The following ATP8B4 variants were observed in gnomAD, a reference collection of about 807,000 sequenced individuals.
ATP8B4 encodes the protein ATPase phospholipid transporting 8B4 (putative).
Under a neutral mutation model 145.6 loss-of-function variants are expected in ATP8B4, and 133 were observed. The observed-to-expected ratio is 0.91, with a 90% confidence interval of 0.79 to 1.05. The LOEUF is 1.05. Ranked by LOEUF, ATP8B4 falls within the 50% of genes least tolerant of loss-of-function variation. ATP8B4 has a pLI of 0.00. For missense variants in ATP8B4, 1,458 were observed against 1,425.2 expected (o/e 1.02, Z -0.37); for synonymous variants, 507 against 492.9 (o/e 1.03, Z -0.38).
intron 1 of ATP8B4, among the ~76,000 whole-genome samples, chr15:50,148,851 TGTA>T (rs781182804): frequency 7.9e-5 from 12 of 152,206 alleles, no homozygotes; most frequent in Non-Finnish European, 1.6e-4. Flanking sequence ...ATAATTCTGT[TGTA>T]GTTAGATTAC....
At chr15:49,985,375 C>A (rs143591403) in intron 10 of ATP8B4, among the ~76,000 whole-genome samples, 2,478 of 152,262 alleles carry the variant, frequency 0.016, 79 homozygotes, top group African/African-American at 0.057. Flanking sequence ...GGATTACAGG[C>A]GTGAGCCACC....
At chr15:50,165,799 T>C (rs1396815744) in intron 1 of ATP8B4, among the ~76,000 whole-genome samples, 13 of 152,062 alleles carry the variant, frequency 8.5e-5, no homozygotes. Flanking sequence ...TAAAAAATGT[T>C]CATGTAAAAA....
At chr15:49,886,811 A>ATTTTTT (rs200775433) in intron 23 of ATP8B4, among the ~76,000 whole-genome samples, 1 of 144,614 alleles carries the variant, frequency 6.9e-6, no homozygotes, top group Non-Finnish European at 1.5e-5. Flanking sequence ...GCCACAAGCA[A>ATTTTTT]TTTTTTTTTT....
intron 5 of ATP8B4, among the ~76,000 whole-genome samples, chr15:50,041,247 C>G (rs959125023): frequency 6.6e-6 from 1 of 152,200 alleles, no homozygotes; most frequent in Non-Finnish European, 1.5e-5. Flanking sequence ...TGCCATTGCT[C>G]AAATGATTGT....
intron 16 of ATP8B4, among the ~76,000 whole-genome samples, chr15:49,930,641 G>A (rs887884602): frequency 3.9e-5 from 6 of 152,056 alleles, no homozygotes; most frequent in African/African-American, 1.2e-4. Flanking sequence ...ACTGTATAGT[G>A]AACAAGTGAA....
In ATP8B4 at chr15:49,862,325, A is replaced by G; in HGVS notation, c.3217T>C (p.Leu1073=). ...TQKCIWLVIL[L]TTVASVMPVV... ...GGCATAACTGAAGCCACTGTTGTTAAGAGAATTACAAGCCAGATGCACTTC... is the reference window on the plus strand; with the variant it reads ...GGCATAACTGAAGCCACTGTTGTTAGGAGAATTACAAGCCAGATGCACTTC... The change falls in exon 27 of 28, where the codon TTA becomes CTA. Residue 1073 remains leucine (L), a synonymous_variant. Transcript: ENST00000284509. 1 of 1,613,904 alleles carries G rather than the reference A, an allele frequency of 6.2e-7. No homozygotes were observed. The highest frequency in any genetic ancestry group is 8.5e-7 in the Non-Finnish European group (1 of 1,179,794).
At chr15:49,911,568 A>G (rs747407376) in intron 20 of ATP8B4, among the ~76,000 whole-genome samples, 2 of 152,160 alleles carry the variant, frequency 1.3e-5, no homozygotes, top group African/African-American at 4.8e-5. Flanking sequence ...AGGGAGAAGT[A>G]GACTCCAATA....
chr15:49,898,322 G>T, intron 21 of ATP8B4, 71 bp from the exon 22 acceptor site: 1 of 1,453,448 alleles, frequency 6.9e-7, no homozygotes, highest in East Asian at 2.4e-5. Context: ...CAAGACAAAT[G>T]TTTTGTTTGC....
At chr15:49,984,521 G>T (rs966184659) in intron 10 of ATP8B4, among the ~76,000 whole-genome samples, 2 of 152,276 alleles carry the variant, frequency 1.3e-5, no homozygotes, top group South Asian at 2.1e-4. Context: ...AATGGCTACT[G>T]GACCCTAAGG....
chr15:49,991,956 C>A (rs545700159), intron 9 of ATP8B4, among the ~76,000 whole-genome samples: 1 of 152,132 alleles, frequency 6.6e-6, no homozygotes, highest in African/African-American at 2.4e-5. Context: ...TTCCCTAACC[C>A]TCCAATGCTG....
intron 6 of ATP8B4, among the ~76,000 whole-genome samples, chr15:50,034,690 T>A (rs1233699356): frequency 2.0e-5 from 3 of 152,190 alleles, no homozygotes; most frequent in Non-Finnish European, 4.4e-5. Flanking sequence ...CCTCATTTAA[T>A]TGCTCTGGGC....
intron 14 of ATP8B4, among the ~76,000 whole-genome samples, chr15:49,942,013 G>T (rs887687069): frequency 6.6e-6 from 1 of 152,118 alleles, no homozygotes; most frequent in Admixed American, 6.6e-5. Context: ...TATATAGAGT[G>T]GTGTAACAGA....
In ATP8B4 at chr15:49,879,257, AACT is replaced by A. The variant is rs1362657597; in HGVS notation, c.2781+116_2781+118del. On this transcript the variant is annotated intron_variant, in intron 24 of 27. Coordinates refer to ENST00000284509, the MANE Select transcript of ATP8B4 (RefSeq NM_024837.4). Reference sequence around the variant, plus strand: ...AAGCATGTGTGATCCATGCAAAAGCAACTAAAACAACTGCATTCCTAGGGCTGC... The same window carrying A: ...AAGCATGTGTGATCCATGCAAAAGCAAAAACAACTGCATTCCTAGGGCTGC... The A allele has an allele frequency of 1.5e-5, 13 of 867,772 alleles. 1 individual carries two copies. The highest frequency in any genetic ancestry group is 1.1e-4 in the East Asian group (4 of 37,592). The allele number at this position is 867,772 out of a possible 1,614,324, so 53.8% of individuals were successfully genotyped here.
chr15:50,152,593 A>C (rs2044361696), intron 1 of ATP8B4, among the ~76,000 whole-genome samples: 1 of 152,200 alleles, frequency 6.6e-6, no homozygotes, highest in Non-Finnish European at 1.5e-5. Context: ...ATTAATTCTA[A>C]ATCAAAAAGA....
Position 49,923,448 on chromosome 15 carries a change from A to G in ATP8B4, c.1689T>C (p.Asp563=), listed in dbSNP as rs149949431. 3.9e-4 allele frequency: 628 copies of G among 1,613,112 alleles called. 6 individuals are homozygous for G. The African/African-American group carries it at 7.5e-3, about 19-fold the overall frequency. Residue 563 remains aspartate (D), a synonymous_variant, in exon 17 of 28, where the codon GAT becomes GAC. Transcript: ENST00000284509. ...GQIKLYSKGA[D]TILFEKLHPS... Reference sequence around the variant, plus strand: ...GATGAAGTTTTTCAAACAGAATAGTATCTGCTCCTTTGGAATAAAGCTTTA... The same window carrying G: ...GATGAAGTTTTTCAAACAGAATAGTGTCTGCTCCTTTGGAATAAAGCTTTA...
chr15:50,056,280 C>T (rs2052589730), intron 3 of ATP8B4, among the ~76,000 whole-genome samples: 1 of 152,146 alleles, frequency 6.6e-6, no homozygotes, highest in African/African-American at 2.4e-5. Context: ...TGTTATTGAG[C>T]CAGGGCTACA....
At chr15:50,068,530 A>G (rs2153630067) in intron 3 of ATP8B4, among the ~76,000 whole-genome samples, 1 of 152,320 alleles carries the variant, frequency 6.6e-6, no homozygotes, top group South Asian at 2.1e-4. Flanking sequence ...ATCTTCATCA[A>G]TTTACATAAG....
intron 14 of ATP8B4, among the ~76,000 whole-genome samples, chr15:49,953,756 T>G (rs2043306007): frequency 6.6e-6 from 1 of 152,236 alleles, no homozygotes; most frequent in Non-Finnish European, 1.5e-5. Flanking sequence ...CAGCAGGGCT[T>G]AAGCAGATTC....
At chr15:49,894,721 G>T (rs2037203759) in intron 23 of ATP8B4, among the ~76,000 whole-genome samples, 1 of 152,304 alleles carries the variant, frequency 6.6e-6, no homozygotes, top group South Asian at 2.1e-4. Flanking sequence ...CGTTTAAACA[G>T]ACCAGATCCA....
Sources: allele counts gnomAD v4.1 joint callset (sites outside exome capture counted in the v4.1 genomes callset), GRCh38; gene constraint gnomAD v4.1.1; transcripts MANE v1.5; gene names NCBI Gene and HGNC (gene_info 2026-07-23, HGNC 2026-07-21).